RTTN: variants seen among roughly 807,000 people sequenced by gnomAD.
The protein encoded by RTTN is rotatin.
RTTN carries 182 observed loss-of-function variants against 269.2 expected under a neutral mutation model. The observed-to-expected ratio is 0.68, with a 90% CI of 0.60 to 0.76. The LOEUF (loss-of-function observed/expected upper bound fraction) is 0.76, where lower values mean the gene tolerates loss of function less well. Ranked by LOEUF, RTTN falls within the 30% of genes least tolerant of loss-of-function variation. RTTN has a pLI of 0.00. For synonymous variants in RTTN, 1,006 were observed against 963.5 expected, an observed-to-expected ratio of 1.04 and a Z score of -0.82; for missense variants, 2,545 against 2,608.6, an observed-to-expected ratio of 0.98 and a Z score of 0.53.
intron 10 of RTTN, among the ~76,000 whole-genome samples, chr18:70,179,292 G>A (rs1320770117): frequency 6.6e-6 from 1 of 152,128 alleles, no homozygotes; most frequent in African/African-American, 2.4e-5. Flanking sequence ...ATTTCTCCAT[G>A]AAAACAGTAC....
intron 14 of RTTN, among the ~76,000 whole-genome samples, chr18:70,155,770 A>T (rs2060658244): frequency 6.6e-6 from 1 of 152,258 alleles, no homozygotes; most frequent in Non-Finnish European, 1.5e-5. Context: ...CCATGGGAGA[A>T]GAATGTGGAT....
intron 27 of RTTN, among the ~76,000 whole-genome samples, chr18:70,111,409 T>C (rs1434518176): frequency 6.6e-6 from 1 of 152,074 alleles, no homozygotes; most frequent in South Asian, 2.1e-4. Context: ...TGGCGATACC[T>C]AGGCAAACAG....
chr18:70,054,323 T>C (rs777318997), intron 37 of RTTN, 39 bp from the exon 38 acceptor site: 36 of 1,555,418 alleles, frequency 2.3e-5, no homozygotes, highest in Non-Finnish European at 2.4e-5. Flanking sequence ...AAACATGCCA[T>C]ATAAAAAGCC....
At chr18:70,119,586 T>C (rs764584407) in intron 26 of RTTN, among the ~76,000 whole-genome samples, 16 of 152,148 alleles carry the variant, frequency 1.1e-4, no homozygotes, top group Non-Finnish European at 2.4e-4. Flanking sequence ...ATACAATTCA[T>C]GAAAAGACCG....
intron 33 of RTTN, 60 bp downstream of exon 33, chr18:70,075,292 T>C: frequency 8.3e-7 from 1 of 1,208,268 alleles, no homozygotes; most frequent in Non-Finnish European, 1.1e-6. Context: ...TATATGTATT[T>C]TTAACAGTTT....
chr18:70,033,516 C>T (rs1212743869), intron 40 of RTTN, among the ~76,000 whole-genome samples: 1 of 152,144 alleles, frequency 6.6e-6, no homozygotes, highest in Non-Finnish European at 1.5e-5. Context: ...TCAGTAAGTT[C>T]TTTGAAACTA....
At chr18:70,196,886 T>C (rs1351441839) in intron 6 of RTTN, among the ~76,000 whole-genome samples, 1 of 152,240 alleles carries the variant, frequency 6.6e-6, no homozygotes, top group African/African-American at 2.4e-5. Context: ...TTCCTATTTC[T>C]AAAATCTGTT....
At chr18:70,169,732 T>C (rs188911046) in intron 11 of RTTN, among the ~76,000 whole-genome samples, 58 of 152,258 alleles carry the variant, frequency 3.8e-4, no homozygotes, top group Non-Finnish European at 5.1e-4. Flanking sequence ...GATTTAAAAC[T>C]GAAAGAATTA....
At chr18:70,006,356 T>C (rs2056186726) in intron 47 of RTTN, 25 bp downstream of exon 47, 1 of 1,538,966 alleles carries the variant, frequency 6.5e-7, no homozygotes, top group East Asian at 2.2e-5. Flanking sequence ...GCTCCCCAGG[T>C]GTAACAATGA....
intron 15 of RTTN, 89 bp downstream of exon 15, chr18:70,150,519 C>A (rs2060508603): frequency 1.7e-6 from 2 of 1,210,742 alleles, no homozygotes; most frequent in Admixed American, 2.2e-5. Context: ...AGTTTCTCAC[C>A]ATGCTATCTA....
intron 26 of RTTN, among the ~76,000 whole-genome samples, chr18:70,115,300 A>G (rs915719980): frequency 1.3e-5 from 2 of 152,016 alleles, no homozygotes; most frequent in East Asian, 3.8e-4. Flanking sequence ...TGCTATGTGG[A>G]TTATTACTGC....
intron 14 of RTTN, among the ~76,000 whole-genome samples, chr18:70,155,792 C>T (rs561909549): frequency 3.2e-4 from 48 of 152,326 alleles, no homozygotes; most frequent in African/African-American, 1.2e-3. Flanking sequence ...GTGAAGATTT[C>T]ATGGACATTT....
chr18:70,067,794 A>G (rs903611270), intron 34 of RTTN, among the ~76,000 whole-genome samples: 1 of 152,220 alleles, frequency 6.6e-6, no homozygotes, highest in African/African-American at 2.4e-5. Flanking sequence ...CGGTGTGGGA[A>G]AAGAAAGCTT....
chr18:70,151,507 T>C (rs193255025), intron 14 of RTTN, among the ~76,000 whole-genome samples: 26 of 152,246 alleles, frequency 1.7e-4, no homozygotes, highest in African/African-American at 4.6e-4. Flanking sequence ...TTTTTCATTC[T>C]GCAAATTTCT....
At chr18:70,129,466 C>T (rs1202422947) in intron 23 of RTTN, 1 of 151,332 alleles carries the variant, frequency 6.6e-6, no homozygotes, top group African/African-American at 2.4e-5. Context: ...AAAGAATGCA[C>T]AAATAAATAC....
At chr18:70,102,596 G>C (rs2059199553) in intron 28 of RTTN, among the ~76,000 whole-genome samples, 1 of 152,152 alleles carries the variant, frequency 6.6e-6, no homozygotes, top group Non-Finnish European at 1.5e-5. Flanking sequence ...TGTTATGTGT[G>C]AATTCAATCC....
At chr18:70,042,049 G>GA (rs981150081) in intron 40 of RTTN, among the ~76,000 whole-genome samples, 6 of 151,120 alleles carry the variant, frequency 4.0e-5, no homozygotes, top group Non-Finnish European at 8.8e-5. Context: ...CAGACACCAA[G>GA]AAAAGCTGCC....
chr18:70,140,785 C>G (rs1421865021), intron 19 of RTTN, among the ~76,000 whole-genome samples: 1 of 152,054 alleles, frequency 6.6e-6, no homozygotes, highest in Non-Finnish European at 1.5e-5. Flanking sequence ...ATAAAAAAAT[C>G]TTATATGTAT....
At chr18:70,145,865 T>C (rs1599763513) in intron 17 of RTTN, 82 bp from the exon 18 acceptor site, 1 of 1,068,740 alleles carries the variant, frequency 9.4e-7, no homozygotes, top group Admixed American at 2.5e-5. Context: ...CAAGTAATTA[T>C]ATATCAACAA....
Sources: allele counts gnomAD v4.1 joint callset (sites outside exome capture counted in the v4.1 genomes callset), GRCh38; gene constraint gnomAD v4.1.1; transcripts MANE v1.5; gene names NCBI Gene and HGNC (gene_info 2026-07-23, HGNC 2026-07-21).